The following LPP variants were observed in gnomAD, a reference collection of about 807,000 sequenced individuals.
The protein encoded by LPP is lipoma-preferred partner.
A neutral mutation model predicts 60.4 loss-of-function variants in LPP; 38 were observed. The observed-to-expected ratio is 0.63, with a 90% CI of 0.49 to 0.83. The LOEUF (loss-of-function observed/expected upper bound fraction) is 0.83, where lower values mean the gene tolerates loss of function less well. Ranked by LOEUF, LPP falls within the 40% of genes least tolerant of loss-of-function variation. LPP has a pLI of 0.00. For synonymous variants in LPP, 328 were observed against 290.8 expected (o/e 1.13, Z -1.30); for missense variants, 902 against 783.6 (o/e 1.15, Z -1.80).
intron 8 of LPP, among the ~76,000 whole-genome samples, chr3:188,747,614 G>GGA (rs142233342): frequency 2.0e-5 from 3 of 151,964 alleles, no homozygotes; most frequent in South Asian, 2.1e-4. Context: ...AAGCTTCTAT[G>GGA]GAGAGAGAGA....
Position 188,888,254 on chromosome 3 carries a change from G to A in LPP, c.*13775G>A, listed in dbSNP as rs1472515353. Reference sequence around the variant, plus strand: ...TGCAATTATGAGACATACAAAAAAGGAAAGGGAAAGGACTTTCTAAGTAGC... The same window carrying A: ...TGCAATTATGAGACATACAAAAAAGAAAAGGGAAAGGACTTTCTAAGTAGC... On this transcript the variant is annotated 3_prime_UTR_variant, in exon 12 of 12. Transcript: ENST00000617246. 4.5e-6 allele frequency: 1 copy of A among 223,748 alleles called. No individual in the cohort carries two copies. Among genetic ancestry groups the A allele is most frequent in the Non-Finnish European group, 8.9e-6 (1 of 111,980 alleles). 13.9% of individuals were successfully genotyped at this position (223,748 alleles called of 1,614,324 possible). A position where few individuals can be genotyped will look rare whatever the true frequency, so the allele number is the denominator to read the frequency against.
At chr3:188,686,859 C>A (rs899487722) in intron 7 of LPP, among the ~76,000 whole-genome samples, 6 of 152,144 alleles carry the variant, frequency 3.9e-5, no homozygotes, top group South Asian at 2.1e-4. Context: ...TATTTAAAAG[C>A]AGCACAAAAA....
At chr3:188,337,033 G>T (rs1761848003) in intron 2 of LPP, among the ~76,000 whole-genome samples, 2 of 152,136 alleles carry the variant, frequency 1.3e-5, no homozygotes, top group Non-Finnish European at 2.9e-5. Flanking sequence ...TTCCCAGGAG[G>T]CAGGGTACTG....
In LPP at chr3:188,195,474, A is replaced by G. The variant is rs144424893; in HGVS notation, c.-189-29931A>G. On this transcript the variant is annotated intron_variant, in intron 1 of 11. Transcript: ENST00000617246. ...TTACTGAATTTCTCAATGAAGTGGCAAGCATCTATCCATCCTTCCATTCAT... is the reference window on the plus strand; with the variant it reads ...TTACTGAATTTCTCAATGAAGTGGCGAGCATCTATCCATCCTTCCATTCAT... Among the ~76,000 whole-genome samples, 798 of 152,314 alleles carry G rather than the reference A, an allele frequency of 5.2e-3. 5 individuals carry two copies. Among genetic ancestry groups the G allele is most frequent in the African/African-American group, 0.018 (760 of 41,562 alleles).
intron 1 of LPP, among the ~76,000 whole-genome samples, chr3:188,214,888 G>C (rs1712889809): frequency 6.6e-6 from 1 of 152,160 alleles, no homozygotes; most frequent in Admixed American, 6.5e-5. Flanking sequence ...CAAGCACAGG[G>C]CTAAACACTT....
chr3:188,729,212 T>A (rs1214194116), intron 8 of LPP, among the ~76,000 whole-genome samples: 1 of 152,222 alleles, frequency 6.6e-6, no homozygotes, highest in Non-Finnish European at 1.5e-5. Flanking sequence ...CAGGAAGATG[T>A]TACTTCCTAA....
At chr3:188,802,161 G>A (rs1295129989) in intron 9 of LPP, among the ~76,000 whole-genome samples, 1 of 152,134 alleles carries the variant, frequency 6.6e-6, no homozygotes, top group Non-Finnish European at 1.5e-5. Context: ...GGTCAACGTA[G>A]TAGTCTGAGG....
chr3:188,811,419 T>C (rs927562657), intron 9 of LPP, among the ~76,000 whole-genome samples: 4 of 151,256 alleles, frequency 2.6e-5, no homozygotes, highest in Non-Finnish European at 5.9e-5. Flanking sequence ...AGAGAAAAAT[T>C]ATGATTGGGG....
chr3:188,169,684 A>G (rs1447286117), intron 1 of LPP, among the ~76,000 whole-genome samples: 1 of 152,188 alleles, frequency 6.6e-6, no homozygotes, highest in Admixed American at 6.5e-5. Flanking sequence ...ATTTGATCAT[A>G]GAACCCCTGC....
intron 10 of LPP, among the ~76,000 whole-genome samples, chr3:188,869,259 C>G (rs1767455036): frequency 6.6e-6 from 1 of 152,058 alleles, no homozygotes; most frequent in Admixed American, 6.6e-5. Flanking sequence ...ACCTCACCTG[C>G]TTAGCCTGCC....
At chr3:188,632,019 G>C (rs957820036) in intron 7 of LPP, among the ~76,000 whole-genome samples, 2 of 152,138 alleles carry the variant, frequency 1.3e-5, no homozygotes, top group African/African-American at 2.4e-5. Context: ...GTAGGGGCCA[G>C]TGTACATGAG....
intron 2 of LPP, among the ~76,000 whole-genome samples, chr3:188,261,823 G>A (rs568035552): frequency 2.6e-5 from 4 of 152,218 alleles, no homozygotes; most frequent in Admixed American, 6.5e-5. Flanking sequence ...CTGAGGAGGT[G>A]GGAGGATCGC....
rs116165830 is a variant in LPP, at chr3:188,229,377, G to A, written c.-67+3850G>A. On this transcript the variant is annotated intron_variant, in intron 2 of 11. Transcript: ENST00000617246. ...TACCGGTTTACAATTGCCGACTGTC[G>A]CCAAGGGCTTTCAGTTTTAATATTT... Among the ~76,000 whole-genome samples the A allele has an allele frequency of 2.4e-3, 360 of 152,208 alleles. 2 individuals carry two copies. Among genetic ancestry groups the A allele is most frequent in the African/African-American group, 8.3e-3 (343 of 41,544 alleles).
Position 188,465,369 on chromosome 3 carries a change from A to C in LPP, c.194-19223A>C, listed in dbSNP as rs148750343. On this transcript the variant is annotated intron_variant, in intron 4 of 11. Coordinates refer to ENST00000617246, the MANE Select transcript of LPP (RefSeq NM_001375462.1). ...GAACTATTCGGTGTTATGTCCAAGAAAGCTCACATGTCCTAGTTAAGGCTG... is the reference window on the plus strand; with the variant it reads ...GAACTATTCGGTGTTATGTCCAAGACAGCTCACATGTCCTAGTTAAGGCTG... Among the ~76,000 whole-genome samples, 809 of 152,284 alleles carry C rather than the reference A, an allele frequency of 5.3e-3. 9 individuals carry two copies. Among genetic ancestry groups the C allele is most frequent in the South Asian group, 0.021 (100 of 4,828 alleles).
chr3:188,462,913 C>T (rs967417802), intron 4 of LPP, among the ~76,000 whole-genome samples: 7 of 151,914 alleles, frequency 4.6e-5, no homozygotes, highest in Non-Finnish European at 1.0e-4. Flanking sequence ...TTGTGACCAA[C>T]CTGGCCAACA....
At chr3:188,430,878 G>A (rs1313975152) in intron 4 of LPP, among the ~76,000 whole-genome samples, 3 of 151,830 alleles carry the variant, frequency 2.0e-5, no homozygotes, top group African/African-American at 7.3e-5. Flanking sequence ...ATTTGTTCCA[G>A]AATTTTTCCT....
intron 9 of LPP, among the ~76,000 whole-genome samples, chr3:188,788,906 G>A (rs1326551193): frequency 1.3e-5 from 2 of 152,048 alleles, no homozygotes; most frequent in African/African-American, 2.4e-5. Flanking sequence ...ATGAATCAAG[G>A]TCTAACTTAT....
chr3:188,725,706 G>T (rs1038056330), intron 8 of LPP, among the ~76,000 whole-genome samples: 1 of 152,092 alleles, frequency 6.6e-6, no homozygotes, highest in Non-Finnish European at 1.5e-5. Flanking sequence ...TTAAACATTA[G>T]TCCACAAAAT....
chr3:188,457,864 AC>A (rs1798111166), intron 4 of LPP, among the ~76,000 whole-genome samples: 1 of 151,980 alleles, frequency 6.6e-6, no homozygotes, highest in South Asian at 2.1e-4. Context: ...ATCCGAGATC[AC>A]GCCCCTGCAC....
Sources: gnomAD v4.1 joint callset for allele counts (sites outside exome capture counted in the v4.1 genomes callset) on GRCh38, gnomAD v4.1.1 for gene constraint, MANE v1.5 for transcripts, NCBI Gene and HGNC (gene_info 2026-07-23, HGNC 2026-07-21) for gene names.